RPH3A: variants seen among roughly 807,000 people sequenced by gnomAD.
RPH3A encodes the protein rabphilin-3A.
Under a neutral mutation model 102.2 loss-of-function variants are expected in RPH3A, and 48 were observed. The observed-to-expected ratio is 0.47, with a 90% confidence interval of 0.37 to 0.60. The LOEUF is 0.60. RPH3A is among the 20% of genes least tolerant of loss of function. The probability of loss-of-function intolerance (pLI) is 0.00; values close to 1 mark genes in which losing one functional copy is unlikely to be tolerated. For missense variants in RPH3A, 781 were observed against 910.1 expected (o/e 0.86, Z 1.83); for synonymous variants, 310 against 324.3 (o/e 0.96, Z 0.47).
At chr12:112,742,931 T>C (rs2040719878) in intron 1 of RPH3A, among the ~76,000 whole-genome samples, 1 of 152,152 alleles carries the variant, frequency 6.6e-6, no homozygotes, top group Non-Finnish European at 1.5e-5. Flanking sequence ...GAATTTGCTT[T>C]CCTGCCTTTT....
chr12:112,628,845 G>A (rs758965100), intron 1 of RPH3A, among the ~76,000 whole-genome samples: 1 of 152,130 alleles, frequency 6.6e-6, no homozygotes, highest in Non-Finnish European at 1.5e-5. Flanking sequence ...TGTCTGCTGT[G>A]AGGGGAACTT....
intron 1 of RPH3A, among the ~76,000 whole-genome samples, chr12:112,669,997 G>A (rs1356075073): frequency 2.0e-5 from 3 of 152,110 alleles, no homozygotes; most frequent in African/African-American, 4.8e-5. Context: ...ATGTTATAGT[G>A]TCCATGTTTG....
chr12:112,774,384 C>T (rs911852372), intron 1 of RPH3A, among the ~76,000 whole-genome samples: 1 of 152,176 alleles, frequency 6.6e-6, no homozygotes, highest in Admixed American at 6.5e-5. Flanking sequence ...GGAAAGAGAA[C>T]ATTAAACCTT....
At chr12:112,639,461 C>T (rs1376532045) in intron 1 of RPH3A, among the ~76,000 whole-genome samples, 1 of 151,952 alleles carries the variant, frequency 6.6e-6, no homozygotes, top group African/African-American at 2.4e-5. Context: ...CACATGGATA[C>T]ATGAAGGGAT....
intron 1 of RPH3A, among the ~76,000 whole-genome samples, chr12:112,726,048 G>A (rs753911096): frequency 6.6e-6 from 1 of 150,552 alleles, no homozygotes; most frequent in Non-Finnish European, 1.5e-5. Context: ...ACCCGCCTTG[G>A]CCTCCCAAAG....
intron 1 of RPH3A, among the ~76,000 whole-genome samples, chr12:112,594,813 G>A (rs541217469): frequency 6.6e-6 from 1 of 152,152 alleles, no homozygotes; most frequent in Non-Finnish European, 1.5e-5. Context: ...TGTTATTATT[G>A]TTATGCATAA....
At position 112,708,362 on chromosome 12, in the gene RPH3A, C is replaced by T. The variant is rs193254928; in HGVS notation, c.-139-83781C>T. The stretch of plus-strand genomic sequence containing the variant: ...ACATAACCTCTTTGGGCTGTCCAGG[C>T]GGATGGCGGCATTTGCAAGGCTGCT... On this transcript the variant is annotated intron_variant, in intron 1 of 21. Coordinates refer to the RPH3A transcript ENST00000543106. Among the ~76,000 whole-genome samples the T allele has an allele frequency of 1.5e-3, 230 of 152,234 alleles. 1 individual carries two copies. The highest frequency in any genetic ancestry group is 5.1e-3 in the African/African-American group (210 of 41,536).
chr12:112,736,489 G>T (rs2040670371), intron 1 of RPH3A, among the ~76,000 whole-genome samples: 1 of 152,220 alleles, frequency 6.6e-6, no homozygotes, highest in East Asian at 1.9e-4. Flanking sequence ...CATAGTAAGT[G>T]CTGCATAAAT....
intron 1 of RPH3A, among the ~76,000 whole-genome samples, chr12:112,737,650 C>G (rs955144607): frequency 6.6e-6 from 1 of 152,118 alleles, no homozygotes; most frequent in African/African-American, 2.4e-5. Context: ...GCAGCCACCA[C>G]TAATCAATTA....
intron 3 of RPH3A, 51 bp from the exon 4 acceptor site, chr12:112,836,440 T>C: frequency 8.6e-7 from 1 of 1,157,082 alleles, no homozygotes; most frequent in Non-Finnish European, 1.2e-6. Flanking sequence ...TATGATTTCT[T>C]ACCTAACTTT....
upstream of RPH3A, among the ~76,000 whole-genome samples, chr12:112,786,762 T>C (rs2041054726): frequency 6.6e-6 from 1 of 152,134 alleles, no homozygotes; most frequent in African/African-American, 2.4e-5. Context: ...GGCTTCTTAA[T>C]GTAGGGTCCC....
At chr12:112,793,046 A>G (rs868605559) in intron 2 of RPH3A, among the ~76,000 whole-genome samples, 6 of 152,212 alleles carry the variant, frequency 3.9e-5, no homozygotes, top group Admixed American at 2.0e-4. Flanking sequence ...AGCTTGTTCA[A>G]ATTCTGGGGA....
At chr12:112,780,348 C>T (rs1434570586) in intron 1 of RPH3A, among the ~76,000 whole-genome samples, 1 of 151,454 alleles carries the variant, frequency 6.6e-6, no homozygotes, top group African/African-American at 2.4e-5. Flanking sequence ...TCGCCCCTCC[C>T]ACCCTCCCTG....
rs557647943 is a variant in RPH3A, at chr12:112,784,648, A to C, written c.-139-7495A>C. On this transcript the variant is annotated intron_variant, in intron 1 of 21. Coordinates refer to the RPH3A transcript ENST00000543106. ...CTGGGCCGTGAGAACTCAGAAATACACAAGACTGAGCTGTGTTCTTGGAAT... is the reference window on the plus strand; with the variant it reads ...CTGGGCCGTGAGAACTCAGAAATACCCAAGACTGAGCTGTGTTCTTGGAAT... Among the ~76,000 whole-genome samples, 6 of 152,328 alleles carry C rather than the reference A, an allele frequency of 3.9e-5. No homozygotes were observed. In the East Asian group the frequency reaches 1.2e-3, roughly 29 times the overall value.
At chr12:112,706,050 G>T (rs540432556) in intron 1 of RPH3A, among the ~76,000 whole-genome samples, 1 of 152,178 alleles carries the variant, frequency 6.6e-6, no homozygotes, top group South Asian at 2.1e-4. Context: ...CCTGACAGTT[G>T]CATAGTGCTA....
chr12:112,640,594 C>T (rs2039882091), intron 1 of RPH3A, among the ~76,000 whole-genome samples: 2 of 152,038 alleles, frequency 1.3e-5, no homozygotes, highest in African/African-American at 2.4e-5. Context: ...TGAATAGCAT[C>T]TCAGTTTGGA....
intron 1 of RPH3A, among the ~76,000 whole-genome samples, chr12:112,685,080 G>A (rs1363683290): frequency 6.6e-6 from 1 of 152,106 alleles, no homozygotes; most frequent in East Asian, 1.9e-4. Flanking sequence ...GGGACTACAG[G>A]TGCATGCCAC....
intron 4 of RPH3A, among the ~76,000 whole-genome samples, chr12:112,839,839 A>G (rs1476543207): frequency 6.6e-6 from 1 of 152,026 alleles, no homozygotes; most frequent in Non-Finnish European, 1.5e-5. Context: ...AATACAAAAC[A>G]CTATCTGGGT....
intron 19 of RPH3A, 132 bp from the exon 20 acceptor site, chr12:112,894,446 G>T: frequency 1.3e-6 from 1 of 793,282 alleles, no homozygotes. Flanking sequence ...AATGCATATT[G>T]GTCATTATCA....
Sources: allele counts gnomAD v4.1 joint callset (sites outside exome capture counted in the v4.1 genomes callset), GRCh38; gene constraint gnomAD v4.1.1; transcripts MANE v1.5; gene names NCBI Gene and HGNC (gene_info 2026-07-23, HGNC 2026-07-21).